The following VCAN variants were observed in gnomAD, a reference collection of about 807,000 sequenced individuals.
VCAN encodes versican core protein.
VCAN carries 44 observed loss-of-function variants against 245.5 expected under a neutral mutation model. The observed-to-expected ratio is 0.18, with a 90% confidence interval of 0.14 to 0.23. The LOEUF is 0.23. Ranked by LOEUF, VCAN falls within the 10% of genes least tolerant of loss-of-function variation. The probability of loss-of-function intolerance (pLI) is 1.00; values close to 1 mark genes in which losing one functional copy is unlikely to be tolerated. For missense variants in VCAN, 3,793 were observed against 4,057.9 expected (o/e 0.93, Z 1.77); for synonymous variants, 1,413 against 1,437.0 (o/e 0.98, Z 0.38).
intron 5 of VCAN, among the ~76,000 whole-genome samples, chr5:83,508,157 C>A (rs1296153765): frequency 6.6e-6 from 1 of 152,160 alleles, no homozygotes; most frequent in Non-Finnish European, 1.5e-5. Context: ...TCCTGGGAGG[C>A]AATTGGCATC....
chr5:83,484,032 G>A (rs1206816114), intron 2 of VCAN, among the ~76,000 whole-genome samples: 1 of 152,086 alleles, frequency 6.6e-6, no homozygotes, highest in Non-Finnish European at 1.5e-5. Flanking sequence ...TTTTAAAAAA[G>A]CAGTTGGATA....
intron 1 of VCAN, among the ~76,000 whole-genome samples, chr5:83,472,686 G>C (rs1744238725): frequency 6.6e-6 from 1 of 152,248 alleles, no homozygotes; most frequent in Non-Finnish European, 1.5e-5. Flanking sequence ...TCTCTTTGAC[G>C]ACTTGGGGAC....
At chr5:83,566,826 G>A (rs1388409203) in intron 12 of VCAN, among the ~76,000 whole-genome samples, 1 of 152,136 alleles carries the variant, frequency 6.6e-6, no homozygotes, top group African/African-American at 2.4e-5. Flanking sequence ...ATAAATTTTT[G>A]ACAAGTACAG....
At chr5:83,492,896 A>G (rs912937980) in intron 3 of VCAN, among the ~76,000 whole-genome samples, 6 of 152,232 alleles carry the variant, frequency 3.9e-5, no homozygotes, top group Non-Finnish European at 8.8e-5. Flanking sequence ...AGTAACATAC[A>G]TATTTTTAGT....
Position 83,521,249 on chromosome 5 carries a change from A to T in VCAN, c.2943A>T (p.Thr981=), listed in dbSNP as rs144070403. ...TTCCTCTTTCTGTAATTCCCAAGAC[A>T]GACTGGGGAGTGTTAGTACCTTCTG... is the stretch of plus-strand genomic sequence containing the variant. ...HTIPLSVIPK[T]DWGVLVPSVP... The change falls in exon 7 of 15, where the codon ACA becomes ACT. Residue 981 remains threonine, a synonymous_variant. Coordinates refer to ENST00000265077, the MANE Select transcript of VCAN (RefSeq NM_004385.5). 1.6e-4 allele frequency: 265 copies of T among 1,613,998 alleles called. No homozygotes were observed. Among genetic ancestry groups the T allele is most frequent in the Non-Finnish European group, 2.6e-5 (31 of 1,179,960 alleles).
rs1469381858 is a variant in VCAN, at chr5:83,538,565, A to G, written c.5562A>G (p.Leu1854=). 1.1e-5 allele frequency: 18 copies of G among 1,613,942 alleles called. No individual in the cohort carries two copies. The highest frequency in any genetic ancestry group is 1.5e-5 in the Non-Finnish European group (18 of 1,179,980). ...PETTTVSSFS[L]NVEYAIQAEK... is the part of the protein sequence containing the mutation. Reference sequence around the variant, plus strand: ...CCACCACTGTTTCTTCATTTTCATTAAACGTAGAGTATGCAATTCAAGCCG... The same window carrying G: ...CCACCACTGTTTCTTCATTTTCATTGAACGTAGAGTATGCAATTCAAGCCG... Residue 1854 remains leucine (L), a synonymous_variant, in exon 8 of 15, where the codon TTA becomes TTG. Transcript: ENST00000265077.
At chr5:83,556,802 T>A (rs1747685398) in intron 12 of VCAN, among the ~76,000 whole-genome samples, 1 of 152,172 alleles carries the variant, frequency 6.6e-6, no homozygotes, top group African/African-American at 2.4e-5. Context: ...ATTCAGAGAT[T>A]GTTTCTATAT....
intron 9 of VCAN, among the ~76,000 whole-genome samples, 193 bp from the exon 10 acceptor site, chr5:83,547,778 C>T (rs1225972169): frequency 2.6e-5 from 4 of 152,122 alleles, no homozygotes; most frequent in African/African-American, 4.8e-5. Flanking sequence ...CAAGTAAAAA[C>T]GAAATAACTT....
intron 5 of VCAN, among the ~76,000 whole-genome samples, chr5:83,505,413 T>C (rs1051551610): frequency 2.0e-5 from 3 of 152,266 alleles, no homozygotes; most frequent in Admixed American, 1.3e-4. Flanking sequence ...ACAGGGCCCA[T>C]GCAAGTCCAA....
intron 7 of VCAN, among the ~76,000 whole-genome samples, chr5:83,523,451 T>C (rs1156924577): frequency 6.6e-6 from 1 of 151,532 alleles, no homozygotes; most frequent in African/African-American, 2.4e-5. Context: ...ACTGTTGGAA[T>C]ATTCCCTTTC....
chr5:83,569,105 C>T (rs943350710), intron 12 of VCAN, among the ~76,000 whole-genome samples: 2 of 152,260 alleles, frequency 1.3e-5, no homozygotes, highest in East Asian at 3.9e-4. Flanking sequence ...TATGTTTACT[C>T]TATAAATTGT....
intron 12 of VCAN, among the ~76,000 whole-genome samples, chr5:83,567,294 G>A (rs1161104849): frequency 1.3e-5 from 2 of 151,658 alleles, no homozygotes; most frequent in African/African-American, 4.8e-5. Context: ...TCAACTATTT[G>A]CGTTTTTGTT....
chr5:83,489,695 G>A (rs1394353088), intron 2 of VCAN, among the ~76,000 whole-genome samples: 1 of 152,078 alleles, frequency 6.6e-6, no homozygotes, highest in Non-Finnish European at 1.5e-5. Context: ...TCGACCTGTA[G>A]ACATAATTTT....
At position 83,541,814 on chromosome 5, in the gene VCAN, T is replaced by A; in HGVS notation, c.8811T>A (p.Asp2937Glu). ...EILQDFQNKT[D>E]GQVSGEAIKM... ...TCCAAGATTTCCAAAACAAAACCGA[T>A]GGTCAAGTTTCTGGAGAAGCAATCA... Residue 2937 changes from aspartate (D) to glutamate (E), a missense_variant, in exon 8 of 15, where the codon GAT becomes GAA. By Grantham distance (45) the Asp-to-Glu change is conservative. Coordinates refer to ENST00000265077, the MANE Select transcript of VCAN (RefSeq NM_004385.5). 6.2e-7 allele frequency: 1 copy of A among 1,614,048 alleles called. No individual in the cohort carries two copies. Among genetic ancestry groups the A allele is most frequent in the Non-Finnish European group, 8.5e-7 (1 of 1,179,970 alleles).
chr5:83,541,765 T>C lies in VCAN; in HGVS notation c.8762T>C (p.Ile2921Thr), dbSNP rs1441312996. The change falls in exon 8 of 15, where the codon ATT becomes ACT. Residue 2921 changes from isoleucine to threonine, a missense_variant. Ile to Thr is a moderately conservative substitution (Grantham distance 89). Around this residue, in one of 5 missense-constraint regions of VCAN, gnomAD observed 3,182 missense variants for 3,250.3 expected, o/e 0.98. Coordinates refer to ENST00000265077, the MANE Select transcript of VCAN (RefSeq NM_004385.5). ...EEMEASPTEL[I>T]AVEGTEILQD... is the part of the protein sequence containing the mutation. ...ATGGAAGCTTCTCCCACAGAACTTATTGCTGTGGAAGGAACTGAGATTCTC... is the reference window on the plus strand; with the variant it reads ...ATGGAAGCTTCTCCCACAGAACTTACTGCTGTGGAAGGAACTGAGATTCTC... 1.2e-6 allele frequency: 2 copies of C among 1,614,112 alleles called. No homozygotes were observed. The highest frequency in any genetic ancestry group is 1.7e-6 in the Non-Finnish European group (2 of 1,180,004).
chr5:83,487,445 G>A (rs1744831302), intron 2 of VCAN, among the ~76,000 whole-genome samples: 3 of 152,166 alleles, frequency 2.0e-5, no homozygotes, highest in African/African-American at 7.2e-5. Context: ...TACTTGAATT[G>A]TCAGCATTTC....
At chr5:83,557,322 T>A (rs1365274807) in intron 12 of VCAN, among the ~76,000 whole-genome samples, 4 of 152,178 alleles carry the variant, frequency 2.6e-5, no homozygotes, top group African/African-American at 9.7e-5. Flanking sequence ...TTCTGGTCTC[T>A]CCCTTAGCAG....
chr5:83,572,791 G>A (rs1174295798), intron 13 of VCAN, among the ~76,000 whole-genome samples: 1 of 152,030 alleles, frequency 6.6e-6, no homozygotes. Context: ...TGACATTAAC[G>A]TAGGAATGCT....
At position 83,542,083 on chromosome 5, in the gene VCAN, C is replaced by T. The variant is rs1747026695; in HGVS notation, c.9080C>T (p.Ala3027Val). The T allele has an allele frequency of 8.7e-6, 14 of 1,613,652 alleles. No homozygotes were observed. The highest frequency in any genetic ancestry group is 1.2e-5 in the Non-Finnish European group (14 of 1,179,718). Residue 3027 changes from alanine to valine, a missense_variant, in exon 8 of 15, where the codon GCA becomes GTA. By Grantham distance (64) the Ala-to-Val change is moderately conservative. Transcript: ENST00000265077. ...ALIRGQDSTI[A>V]ASEQQVAARI... is the part of the protein sequence containing the mutation. ...ATCAGAGGGCAGGATTCCACGATAG[C>T]AGCATCAGAACAGCAAGTGGCAGCG...
Sources: gnomAD v4.1 joint callset for allele counts (sites outside exome capture counted in the v4.1 genomes callset) on GRCh38, gnomAD v4.1.1 for gene constraint, gnomAD v4.1.1 regional missense constraint, MANE v1.5 for transcripts, NCBI Gene and HGNC (gene_info 2026-07-23, HGNC 2026-07-21) for gene names.